SDK2: variants seen among roughly 807,000 people sequenced by gnomAD.
The protein encoded by SDK2 is protein sidekick-2.
In SDK2, 105 loss-of-function variants were observed where a neutral mutation model predicts 253.9. The observed-to-expected ratio is 0.41, with a 90% confidence interval of 0.35 to 0.49. The LOEUF is 0.49. Among genes scored for constraint, SDK2 ranks in the 20% least tolerant of loss-of-function variants. The pLI is 0.06. For missense variants in SDK2, 2,608 were observed against 3,003.0 expected, an observed-to-expected ratio of 0.87 and a Z score of 3.07; for synonymous variants, 1,249 against 1,234.9, an observed-to-expected ratio of 1.01 and a Z score of -0.24.
intron 1 of SDK2, among the ~76,000 whole-genome samples, chr17:73,610,461 T>C (rs2045959652): frequency 6.6e-6 from 1 of 152,202 alleles, no homozygotes; most frequent in African/African-American, 2.4e-5. Context: ...GCATTCCAAG[T>C]GGCTGCAAAT....
chr17:73,555,963 G>T (rs1180536294), intron 1 of SDK2, among the ~76,000 whole-genome samples: 1 of 152,162 alleles, frequency 6.6e-6, no homozygotes, highest in Admixed American at 6.5e-5. Context: ...TCCCTGCAGG[G>T]AGACAGGCAG....
At chr17:73,586,323 G>T (rs1198294813) in intron 1 of SDK2, among the ~76,000 whole-genome samples, 1 of 151,996 alleles carries the variant, frequency 6.6e-6, no homozygotes, top group African/African-American at 2.4e-5. Flanking sequence ...AAAGGAAGGG[G>T]TGTGTGTGGC....
At chr17:73,454,987 GC>G (rs1249039763) in intron 4 of SDK2, among the ~76,000 whole-genome samples, 1 of 152,176 alleles carries the variant, frequency 6.6e-6, no homozygotes, top group African/African-American at 2.4e-5. Flanking sequence ...ACAGGTGTGA[GC>G]CGCCGCGTCC....
rs2145614954 is a variant in SDK2 at position 73,433,747 on chromosome 17, T to G, written c.1297A>C (p.Ile433Leu). Residue 433 changes from isoleucine to leucine, a missense_variant, in exon 10 of 45, where the codon ATC (isoleucine) becomes CTC (leucine). Ile to Leu is a conservative substitution (Grantham distance 5, BLOSUM62 2). This residue lies in a region of SDK2 where 1,505 missense variants were observed against 1,859.1 expected (regional missense o/e 0.81). Coordinates refer to ENST00000392650, the MANE Select transcript of SDK2 (RefSeq NM_001144952.2). ...CETSGAPRPA[I>L]TWQKGERILA... is the part of the protein sequence containing the mutation. ...TTCCATCTACCTTTCTGCCAAGTGA[T>G]AGCTGGTCGGGGCGCCCCCGAGGTC... 6.2e-7 allele frequency: 1 copy of G among 1,605,638 alleles called. No individual in the cohort carries two copies. Among genetic ancestry groups the G allele is most frequent in the South Asian group, 1.1e-5 (1 of 89,018 alleles).
intron 37 of SDK2, among the ~76,000 whole-genome samples, chr17:73,367,568 T>A (rs1007975921): frequency 1.3e-5 from 2 of 151,490 alleles, no homozygotes; most frequent in African/African-American, 4.9e-5. Context: ...AGTAGCACAA[T>A]CTCGGCTCAC....
intron 12 of SDK2, 21 bp downstream of exon 12, chr17:73,430,487 TGGA>T (rs1568400942): frequency 1.3e-6 from 2 of 1,562,934 alleles, no homozygotes; most frequent in Non-Finnish European, 1.8e-6. Context: ...CCCTCTTGCC[TGGA>T]GTCAACAGCA....
intron 40 of SDK2, chr17:73,357,449 G>C: frequency 5.7e-6 from 1 of 175,344 alleles, no homozygotes; most frequent in South Asian, 1.4e-4. Flanking sequence ...GCTGACTCTG[G>C]CACCTCTGAT....
At chr17:73,366,304 G>C (rs946161071) in intron 37 of SDK2, among the ~76,000 whole-genome samples, 6 of 152,302 alleles carry the variant, frequency 3.9e-5, no homozygotes, top group East Asian at 1.9e-4. Flanking sequence ...CCTGGGGTTC[G>C]CATCTGGCAG....
chr17:73,613,167 C>G (rs2045998882), intron 1 of SDK2, among the ~76,000 whole-genome samples: 1 of 152,088 alleles, frequency 6.6e-6, no homozygotes, highest in Non-Finnish European at 1.5e-5. Context: ...TAAGTGAGGC[C>G]CGGGTTAGAG....
chr17:73,576,934 G>C (rs1440212778), intron 1 of SDK2, among the ~76,000 whole-genome samples: 1 of 152,200 alleles, frequency 6.6e-6, no homozygotes, highest in Non-Finnish European at 1.5e-5. Flanking sequence ...GATGCCATGG[G>C]AATCGCCAAG....
intron 21 of SDK2, 136 bp from the exon 22 acceptor site, chr17:73,399,425 C>T (rs1267646501): frequency 5.8e-6 from 5 of 867,272 alleles, no homozygotes; most frequent in Admixed American, 5.0e-5. Context: ...AGCCACGGCC[C>T]CACTCCACCC....
At chr17:73,525,196 G>A (rs2064115860) in intron 1 of SDK2, among the ~76,000 whole-genome samples, 1 of 152,200 alleles carries the variant, frequency 6.6e-6, no homozygotes. Context: ...CCAGCTGTGT[G>A]AGATCCAAGA....
In SDK2 at chr17:73,430,826, G is replaced by T. The variant is rs553702999; in HGVS notation, c.1481-213C>A. Among the ~76,000 whole-genome samples, 5 of 152,314 alleles carry T rather than the reference G, an allele frequency of 3.3e-5. 1 individual carries two copies. The South Asian group carries it at 1.0e-3, about 32-fold the overall frequency. ...GATGGAGAGACCAAACTCTAAGGACGATCAGGACCATATTTTCAGCATATC... is the reference window on the plus strand; with the variant it reads ...GATGGAGAGACCAAACTCTAAGGACTATCAGGACCATATTTTCAGCATATC... On this transcript the variant is annotated intron_variant, in intron 11 of 44. Coordinates refer to ENST00000392650, the MANE Select transcript of SDK2 (RefSeq NM_001144952.2).
chr17:73,533,680 C>A, intron 1 of SDK2, among the ~76,000 whole-genome samples: 1 of 135,570 alleles, frequency 7.4e-6, no homozygotes, highest in Non-Finnish European at 1.6e-5. Flanking sequence ...CCCCCAGCCC[C>A]CCACCCCCCC....
chr17:73,446,124 C>T (rs1208094857), intron 5 of SDK2, among the ~76,000 whole-genome samples: 3 of 152,192 alleles, frequency 2.0e-5, no homozygotes, highest in African/African-American at 7.2e-5. Context: ...GGATGCCTGG[C>T]TTTGACTTGG....
chr17:73,418,789 C>T (rs1351397059), intron 16 of SDK2, among the ~76,000 whole-genome samples: 2 of 152,180 alleles, frequency 1.3e-5, no homozygotes, highest in Non-Finnish European at 2.9e-5. Flanking sequence ...ATCAATTCTT[C>T]GGCCAGCTGG....
rs1025179000 is a variant in SDK2 at position 73,337,993 on chromosome 17, G to C, written c.*594C>G. On this transcript the variant is annotated 3_prime_UTR_variant, in exon 45 of 45. Transcript: ENST00000392650. ...TGCTTGGTGGAGAAGTTGAGCAGGGGAGATGGGCAGTAGAGGTTGCCAAGA... is the reference window on the plus strand; with the variant it reads ...TGCTTGGTGGAGAAGTTGAGCAGGGCAGATGGGCAGTAGAGGTTGCCAAGA... 1 of 153,920 alleles carries C rather than the reference G, an allele frequency of 6.5e-6. No individual in the cohort carries two copies. 9.5% of individuals were successfully genotyped at this position (153,920 alleles called of 1,614,324 possible). A position where few individuals can be genotyped will look rare whatever the true frequency, so the allele number is the denominator to read the frequency against.
At chr17:73,516,494 C>T (rs2064029117) in intron 1 of SDK2, 1 of 152,342 alleles carries the variant, frequency 6.6e-6, no homozygotes, top group Non-Finnish European at 1.5e-5. Context: ...TTGCTCCTGC[C>T]TCACCAGCCA....
At chr17:73,419,079 A>G in intron 16 of SDK2, 87 bp downstream of exon 16, 1 of 1,463,986 alleles carries the variant, frequency 6.8e-7, no homozygotes, top group Non-Finnish European at 9.3e-7. Flanking sequence ...CCTGCCATGA[A>G]TTTGCACTGT....
Sources: allele counts gnomAD v4.1 joint callset (sites outside exome capture counted in the v4.1 genomes callset), GRCh38; gene constraint gnomAD v4.1.1; regional missense constraint gnomAD v4.1.1; transcripts MANE v1.5; gene names NCBI Gene and HGNC (gene_info 2026-07-23, HGNC 2026-07-21).